ITGA5: variants seen among roughly 807,000 people sequenced by gnomAD.
The protein encoded by ITGA5 is integrin alpha-5.
In ITGA5, 55 loss-of-function variants were observed where a neutral mutation model predicts 146.3. The observed-to-expected ratio is 0.38, with a 90% confidence interval of 0.30 to 0.47. ITGA5 has a LOEUF of 0.47. Among genes scored for constraint, ITGA5 ranks in the 20% least tolerant of loss-of-function variants. The pLI, the probability that ITGA5 is intolerant of heterozygous loss-of-function variation, is 0.99. For synonymous variants in ITGA5, 500 were observed against 531.8 expected (o/e 0.94, Z 0.82); for missense variants, 1,131 against 1,329.0 (o/e 0.85, Z 2.32).
At chr12:54,418,912 C>A in intron 1 of ITGA5, 69 bp downstream of exon 1, 6 of 1,559,430 alleles carry the variant, frequency 3.8e-6, no homozygotes, top group Non-Finnish European at 5.2e-6. Flanking sequence ...CCCCTCCAGA[C>A]CCCAGCCGCG....
chr12:54,418,781 A>G (rs1203262047), intron 1 of ITGA5, among the ~76,000 whole-genome samples, 200 bp downstream of exon 1: 2 of 151,810 alleles, frequency 1.3e-5, no homozygotes, highest in African/African-American at 4.8e-5. Flanking sequence ...CTCAAACGCC[A>G]GGGCCCCTCC....
At position 54,402,037 on chromosome 12, in the gene ITGA5, C is replaced by T; in HGVS notation, c.2190G>A (p.Val730=). Residue 730 remains valine, a synonymous_variant, in exon 21 of 30, where the codon GTG becomes GTA. Transcript: ENST00000293379. ...YFAVNQSRLL[V]CDLGNPMKAG... Reference sequence around the variant, plus strand: ...CCTTCATGGGGTTGCCCAGGTCACACACCAGCAGGCGGCTCTGGTTCACGG... The same window carrying T: ...CCTTCATGGGGTTGCCCAGGTCACATACCAGCAGGCGGCTCTGGTTCACGG... 6.2e-7 allele frequency: 1 copy of T among 1,614,214 alleles called. No individual in the cohort carries two copies. The highest frequency in any genetic ancestry group is 8.5e-7 in the Non-Finnish European group (1 of 1,180,036).
chr12:54,417,636 C>G (rs1443114327), intron 1 of ITGA5, among the ~76,000 whole-genome samples: 1 of 152,108 alleles, frequency 6.6e-6, no homozygotes, highest in Non-Finnish European at 1.5e-5. Context: ...TCTCCAAAAA[C>G]TATAGGGACT....
intron 1 of ITGA5, among the ~76,000 whole-genome samples, chr12:54,415,414 G>A (rs1021067730): frequency 1.3e-5 from 2 of 152,146 alleles, no homozygotes; most frequent in Admixed American, 6.5e-5. Context: ...GACTGGCCTC[G>A]TTCTGACACT....
At position 54,398,786 on chromosome 12, in the gene ITGA5, T is replaced by A. The variant is rs1192073233; in HGVS notation, c.2842-88A>T. 7.9e-6 allele frequency: 6 copies of A among 761,694 alleles called. No individual in the cohort carries two copies. In the African/African-American group the frequency reaches 1.1e-4, roughly 14 times the overall value. The allele number at this position is 761,694 out of a possible 1,614,324, so 47.2% of individuals were successfully genotyped here. On this transcript the variant is annotated intron_variant, in intron 27 of 29. Coordinates refer to ENST00000293379, the MANE Select transcript of ITGA5 (RefSeq NM_002205.5). ...CCATCGTCTGGCTGGGGTTGTGATC[T>A]TTCCCTATTTTGGGCTCATTCTTCC...
In ITGA5 at chr12:54,408,107, C is replaced by CACCT; in HGVS notation, c.816_817+2dup. ...GCCATCCCTTCCCCACTTGCTTGCT[C>CACCT]ACCTAGGTAGCTGTCATCATAGATG... On this transcript the variant is annotated splice_region_variant and intron_variant, in intron 7 of 29. Coordinates refer to ENST00000293379, the MANE Select transcript of ITGA5 (RefSeq NM_002205.5). 1 of 1,614,086 alleles carries CACCT rather than the reference C, an allele frequency of 6.2e-7. No individual in the cohort carries two copies. Among genetic ancestry groups the CACCT allele is most frequent in the Non-Finnish European group, 8.5e-7 (1 of 1,179,996 alleles).
At position 54,402,251 on chromosome 12, in the gene ITGA5, C is replaced by T. The variant is rs764586614; in HGVS notation, c.2062G>A (p.Ala688Thr). 3.1e-6 allele frequency: 5 copies of T among 1,614,152 alleles called. No individual in the cohort carries two copies. Among genetic ancestry groups the T allele is most frequent in the Admixed American group, 1.7e-5 (1 of 60,014 alleles). ...GTGACCCGAAGCTCAGCCTCATAGGCGCCACCCTCACCCACATTCTGGGCA... is the reference window on the plus strand; with the variant it reads ...GTGACCCGAAGCTCAGCCTCATAGGTGCCACCCTCACCCACATTCTGGGCA... ...FHAQNVGEGG[A>T]YEAELRVTAP... The change falls in exon 20 of 30, where the codon GCC becomes ACC. Residue 688 changes from alanine (A) to threonine (T), a missense_variant. Physicochemically the swap from Ala to Thr is moderately conservative, Grantham distance 58 (BLOSUM62 0). Transcript: ENST00000293379.
Position 54,401,082 on chromosome 12 carries a change from C to T in ITGA5, c.2494-87G>A, listed in dbSNP as rs1434948768. On this transcript the variant is annotated intron_variant, in intron 24 of 29. Coordinates refer to ENST00000293379, the MANE Select transcript of ITGA5 (RefSeq NM_002205.5). The surrounding 1 kb of genome is among the most constrained non-coding windows in gnomAD (Gnocchi z 5.0). ...CCTGGATCACCATGGCTCCACTATA[C>T]CCTGCTGTCAGGCTCCTATCTCAGA... The T allele has an allele frequency of 7.4e-7, 1 of 1,349,674 alleles. No individual in the cohort carries two copies. Among genetic ancestry groups the T allele is most frequent in the Admixed American group, 2.1e-5 (1 of 46,850 alleles). 83.6% of individuals were successfully genotyped at this position (1,349,674 alleles called of 1,614,324 possible).
rs377391163 is a variant in ITGA5 at position 54,396,110 on chromosome 12, G to A, written c.*183C>T. 32 of 589,698 alleles carry A rather than the reference G, an allele frequency of 5.4e-5. No individual in the cohort carries two copies. The highest frequency in any genetic ancestry group is 1.4e-4 in the East Asian group (5 of 35,060). The allele number at this position is 589,698 out of a possible 1,614,324, so 36.5% of individuals were successfully genotyped here. A position where few individuals can be genotyped will look rare whatever the true frequency, so the allele number is the denominator to read the frequency against. On this transcript the variant is annotated 3_prime_UTR_variant, in exon 30 of 30. Coordinates refer to ENST00000293379, the MANE Select transcript of ITGA5 (RefSeq NM_002205.5). ...AACAAGGGTCCTTCACAGTGCATGG[G>A]GGGGAGGGATCCCCAGCTCCTCACC...
At chr12:54,396,975 C>T (rs779311573) in intron 29 of ITGA5, among the ~76,000 whole-genome samples, 8 of 152,108 alleles carry the variant, frequency 5.3e-5, no homozygotes, top group Non-Finnish European at 1.2e-4. Context: ...TGTGAGCCAC[C>T]ACACCTGGCC....
chr12:54,411,992 A>T, intron 1 of ITGA5, 28 bp from the exon 2 acceptor site: 2 of 1,546,464 alleles, frequency 1.3e-6, no homozygotes, highest in Non-Finnish European at 1.7e-6. Context: ...GAGGCAGTTG[A>T]GGATGGCTCC....
rs1199023525 is a variant in ITGA5 at position 54,403,319 on chromosome 12, C to G, written c.1782G>C (p.Glu594Asp). The G allele has an allele frequency of 1.3e-6, 2 of 1,527,490 alleles. No homozygotes were observed. The highest frequency in any genetic ancestry group is 1.8e-6 in the Non-Finnish European group (2 of 1,139,244). 94.6% of individuals were successfully genotyped at this position (1,527,490 alleles called of 1,614,324 possible). ...GCGAGAGTTTGTCTCGAAATTCTGA[C>G]TCGTTCTGGGGCCAGAGGAGAGAGT... ...CREMKIYLRN[E>D]SEFRDKLSPI... Residue 594 changes from glutamate to aspartate, a missense_variant, in exon 18 of 30, where the codon GAG becomes GAC. By Grantham distance (45) the Glu-to-Asp change is conservative. Coordinates refer to ENST00000293379, the MANE Select transcript of ITGA5 (RefSeq NM_002205.5). This position sits in a 1 kb window ranked among gnomAD's most constrained non-coding sequence, Gnocchi z 4.9.
intron 1 of ITGA5, among the ~76,000 whole-genome samples, chr12:54,415,342 G>A (rs1326937959): frequency 6.6e-6 from 1 of 152,188 alleles, no homozygotes; most frequent in Admixed American, 6.5e-5. Flanking sequence ...AGGCACTGTA[G>A]AGAGCATCCA....
intron 2 of ITGA5, among the ~76,000 whole-genome samples, chr12:54,411,615 T>A (rs1955944139): frequency 1.3e-5 from 2 of 152,202 alleles, no homozygotes; most frequent in African/African-American, 4.8e-5. Flanking sequence ...AGCCACATGT[T>A]TCTGAATCAT....
chr12:54,409,661 T>G lies in ITGA5; in HGVS notation c.350-64A>C. 9.2e-7 allele frequency: 1 copy of G among 1,089,550 alleles called. No homozygotes were observed. The highest frequency in any genetic ancestry group is 1.4e-6 in the Non-Finnish European group (1 of 738,500). 67.5% of individuals were successfully genotyped at this position (1,089,550 alleles called of 1,614,324 possible). A position where few individuals can be genotyped will look rare whatever the true frequency, so the allele number is the denominator to read the frequency against. ...GACATTTGAGCTCTAGGGCAGCCCCTACCCTCAGCCTGGGGATACCCAACA... is the reference window on the plus strand; with the variant it reads ...GACATTTGAGCTCTAGGGCAGCCCCGACCCTCAGCCTGGGGATACCCAACA... On this transcript the variant is annotated intron_variant, in intron 2 of 29. Coordinates refer to ENST00000293379, the MANE Select transcript of ITGA5 (RefSeq NM_002205.5). The surrounding 1 kb of genome is among the most constrained non-coding windows in gnomAD (Gnocchi z 4.7).
chr12:54,406,178 C>G, intron 9 of ITGA5: 1 of 563,398 alleles, frequency 1.8e-6, no homozygotes, highest in South Asian at 2.1e-5. Flanking sequence ...TGTTCGTTGT[C>G]CCTCTCTACC....
At chr12:54,418,215 G>A (rs1210795947) in intron 1 of ITGA5, among the ~76,000 whole-genome samples, 1 of 149,500 alleles carries the variant, frequency 6.7e-6, no homozygotes, top group Non-Finnish European at 1.5e-5. Context: ...CCCCCTTCAC[G>A]CGCGCACACA....
chr12:54,408,811 A>T lies in ITGA5; in HGVS notation c.646-10T>A. The stretch of plus-strand genomic sequence containing the variant: ...AAACCACACGGCCAGTCTGTGGGTG[A>T]AAGGAGGGGAGTCCAACATCTGGTC... On this transcript the variant is annotated splice_polypyrimidine_tract_variant and intron_variant, in intron 5 of 29. Transcript: ENST00000293379. 6.2e-7 allele frequency: 1 copy of T among 1,613,944 alleles called. No individual in the cohort carries two copies. The highest frequency in any genetic ancestry group is 8.5e-7 in the Non-Finnish European group (1 of 1,179,990).
chr12:54,399,536 C>A, intron 27 of ITGA5, 109 bp downstream of exon 27: 1 of 776,694 alleles, frequency 1.3e-6, no homozygotes, highest in Non-Finnish European at 2.3e-6. Context: ...AGCTGGAGTG[C>A]TGGGTCCCAT....
Sources: gnomAD v4.1 joint callset for allele counts (sites outside exome capture counted in the v4.1 genomes callset) on GRCh38, gnomAD v4.1.1 for gene constraint, Gnocchi (gnomAD v3.1) non-coding constraint, MANE v1.5 for transcripts, NCBI Gene and HGNC (gene_info 2026-07-23, HGNC 2026-07-21) for gene names.